Variants in TTLL8 observed in about 807,000 individuals in gnomAD.
TTLL8 encodes the protein protein monoglycylase TTLL8.
A neutral mutation model predicts 77.8 loss-of-function variants in TTLL8; 65 were observed. The observed-to-expected ratio is 0.84, with a 90% confidence interval of 0.68 to 1.03. TTLL8 has a LOEUF of 1.03. Among genes scored for constraint, TTLL8 ranks in the 50% least tolerant of loss-of-function variants. The probability of loss-of-function intolerance (pLI) is 0.00; values close to 1 mark genes in which losing one functional copy is unlikely to be tolerated. For synonymous variants in TTLL8, 402 were observed against 422.8 expected, an observed-to-expected ratio of 0.95 and a Z score of 0.60; for missense variants, 910 against 1,004.5, an observed-to-expected ratio of 0.91 and a Z score of 1.27.
rs535962363 is a variant in TTLL8 at position 50,044,013 on chromosome 22, G to T, written c.643+1242C>A. ...GGGTTACCATGATGTGTCATTGTAG[G>T]TTCATCAATTGTGTTAAAATCATTA... On this transcript the variant is annotated intron_variant, in intron 6 of 13. Transcript: ENST00000266182. The surrounding 1 kb of genome is among the most constrained non-coding windows in gnomAD (Gnocchi z 4.2). Among the ~76,000 whole-genome samples the T allele has an allele frequency of 6.6e-6, 1 of 152,224 alleles. No homozygotes were observed. Among genetic ancestry groups the T allele is most frequent in the South Asian group, 2.1e-4 (1 of 4,816 alleles).
At chr22:50,019,460 G>A (rs1445680530) in intron 12 of TTLL8, among the ~76,000 whole-genome samples, 1 of 152,168 alleles carries the variant, frequency 6.6e-6, no homozygotes, top group East Asian at 1.9e-4. Context: ...AGAATATAGG[G>A]GCAGCAGGGG....
At chr22:50,020,677 GACA>G (rs1276918261) in intron 12 of TTLL8, among the ~76,000 whole-genome samples, 10 of 145,716 alleles carry the variant, frequency 6.9e-5, no homozygotes, top group South Asian at 2.2e-4. Context: ...TCCTCCATCT[GACA>G]ACGTGCACTC....
chr22:50,048,977 C>G (rs983281545), intron 3 of TTLL8, among the ~76,000 whole-genome samples: 2 of 152,246 alleles, frequency 1.3e-5, no homozygotes. Flanking sequence ...CTTCCACATG[C>G]GCACAGCAGG....
chr22:50,050,825 T>C (rs1169546751), intron 1 of TTLL8, among the ~76,000 whole-genome samples: 1 of 152,252 alleles, frequency 6.6e-6, no homozygotes, highest in East Asian at 1.9e-4. Context: ...CCATGCTTAC[T>C]TGATGTATCA....
At position 50,041,621 on chromosome 22, in the gene TTLL8, T is replaced by G. The variant is rs776162632; in HGVS notation, c.830A>C (p.Gln277Pro). Residue 277 changes from glutamine to proline, a missense_variant and splice_region_variant, in exon 7 of 14, where the codon CAG (glutamine) becomes CCG (proline). Coordinates refer to ENST00000266182, the Ensembl canonical transcript of TTLL8. The surrounding 1 kb of genome is among the most constrained non-coding windows in gnomAD (Gnocchi z 4.3). ...TGCCAGGGGCCTGCGTAAGTCTTAC[T>G]GAACGAGGGAGTAGTACTGCTGGGT... The G allele has an allele frequency of 2.2e-6, 3 of 1,352,340 alleles. No individual in the cohort carries two copies. In the Admixed American group the frequency reaches 6.2e-5, roughly 28 times the overall value. The allele number at this position is 1,352,340 out of a possible 1,614,324, so 83.8% of individuals were successfully genotyped here. A position where few individuals can be genotyped will look rare whatever the true frequency, so the allele number is the denominator to read the frequency against.
chr22:50,023,096 C>T (rs2061214129), intron 12 of TTLL8, among the ~76,000 whole-genome samples: 2 of 152,178 alleles, frequency 1.3e-5, no homozygotes, highest in Admixed American at 6.5e-5. Context: ...GCATTTCGCA[C>T]ATTTTAGCAA....
At chr22:50,050,354 G>A in intron 1 of TTLL8, 107 bp from the exon 4 acceptor site, 3 of 770,948 alleles carry the variant, frequency 3.9e-6, no homozygotes, top group Non-Finnish European at 5.6e-6. Context: ...AGATTTGGGG[G>A]CACCCATCAC....
chr22:50,056,294 T>C (rs1768169049), upstream of TTLL8, among the ~76,000 whole-genome samples: 2 of 150,508 alleles, frequency 1.3e-5, no homozygotes, highest in South Asian at 4.2e-4. The surrounding 1 kb of genome is among the most constrained non-coding windows in gnomAD (Gnocchi z 4.1). Flanking sequence ...AAATGGCCAA[T>C]AATCATGTGA....
At chr22:50,040,776 C>G (rs1451535388) in intron 8 of TTLL8, among the ~76,000 whole-genome samples, 1 of 152,200 alleles carries the variant, frequency 6.6e-6, no homozygotes, top group African/African-American at 2.4e-5. Context: ...GCCGCAGACC[C>G]TCTGAAAGAA....
intron 4 of TTLL8, among the ~76,000 whole-genome samples, chr22:50,046,561 G>A (rs980325659): frequency 2.0e-5 from 3 of 152,246 alleles, no homozygotes; most frequent in Non-Finnish European, 2.9e-5. Flanking sequence ...CACTAGCAGC[G>A]CTGGCGCTGG....
At chr22:50,052,751 A>G (rs981752610) in intron 1 of TTLL8, among the ~76,000 whole-genome samples, 1 of 152,234 alleles carries the variant, frequency 6.6e-6, no homozygotes, top group Admixed American at 6.5e-5. Context: ...ACCTATTAAG[A>G]AGGCATTAGT....
At chr22:50,055,131 G>C (rs1354581793), upstream of TTLL8, 2 of 1,201,424 alleles carry the variant, frequency 1.7e-6, no homozygotes, top group Non-Finnish European at 2.1e-6. Context: ...TGCAGCTCGG[G>C]GGCACAGTGC....
At chr22:50,057,115 GGA>G (rs200253535), upstream of TTLL8, among the ~76,000 whole-genome samples, 11 of 150,730 alleles carry the variant, frequency 7.3e-5, no homozygotes, top group African/African-American at 2.7e-4. Flanking sequence ...CTGGGTTGGG[GGA>G]TGAGGTCTGG....
upstream of TTLL8, among the ~76,000 whole-genome samples, chr22:50,056,356 C>A (rs1302638490): frequency 6.6e-6 from 1 of 151,874 alleles, no homozygotes; most frequent in Admixed American, 6.6e-5. The surrounding 1 kb of genome is among the most constrained non-coding windows in gnomAD (Gnocchi z 4.1). Context: ...AAACCACACA[C>A]CCGAGTGCCT....
At position 50,041,374 on chromosome 22, in the gene TTLL8, CCAGA is replaced by C. The variant is rs1458625006; in HGVS notation, c.831-101_831-98del. On this transcript the variant is annotated intron_variant, in intron 7 of 13. Coordinates refer to ENST00000266182, the Ensembl canonical transcript of TTLL8. The surrounding 1 kb of genome is among the most constrained non-coding windows in gnomAD (Gnocchi z 4.3). ...CGACACCCATAAGGCACCCCAAGAT[CCAGA>C]CAGACACCCCAATACCCAACAAGTA... The C allele has an allele frequency of 2.6e-6, 2 of 770,146 alleles. No individual in the cohort carries two copies. The highest frequency in any genetic ancestry group is 1.8e-5 in the African/African-American group (1 of 54,152). The allele number at this position is 770,146 out of a possible 1,614,324, so 47.7% of individuals were successfully genotyped here.
At chr22:50,019,432 T>C (rs1423506245) in intron 12 of TTLL8, among the ~76,000 whole-genome samples, 3 of 152,110 alleles carry the variant, frequency 2.0e-5, no homozygotes, top group African/African-American at 7.2e-5. Flanking sequence ...TGGATCAGGA[T>C]TGAGGTGCAT....
At chr22:50,049,919 G>T in intron 2 of TTLL8, 190 bp downstream of exon 4, 1 of 427,084 alleles carries the variant, frequency 2.3e-6, no homozygotes, top group Non-Finnish European at 3.1e-6. Flanking sequence ...CTGGGGGCTT[G>T]AAAGGGTTTG....
intron 1 of TTLL8, among the ~76,000 whole-genome samples, chr22:50,052,642 AC>A (rs2146700046): frequency 6.6e-6 from 1 of 152,322 alleles, no homozygotes; most frequent in African/African-American, 2.4e-5. Flanking sequence ...GAAATATGAG[AC>A]AAAATAGTCT....
rs2061319122 is a variant in TTLL8 at position 50,034,209 on chromosome 22, C to T, written c.1039+136G>A. 2 of 1,121,976 alleles carry T rather than the reference C, an allele frequency of 1.8e-6. No homozygotes were observed. 69.5% of individuals were successfully genotyped at this position (1,121,976 alleles called of 1,614,324 possible). ...GCTCCAGCGCCTGAGTCCTGACCCC[C>T]ACGCCTGCCTCGGCGTTCTGCTCCC... On this transcript the variant is annotated intron_variant, in intron 9 of 13. Transcript: ENST00000266182. This position sits in a 1 kb window ranked among gnomAD's most constrained non-coding sequence, Gnocchi z 4.1.
Sources: allele counts gnomAD v4.1 joint callset (sites outside exome capture counted in the v4.1 genomes callset), GRCh38; gene constraint gnomAD v4.1.1; non-coding constraint Gnocchi (gnomAD v3.1); transcripts MANE v1.5; gene names NCBI Gene and HGNC (gene_info 2026-07-23, HGNC 2026-07-21).